The following DPY19L1 variants were observed in gnomAD, a reference collection of about 807,000 sequenced individuals.
DPY19L1 encodes the protein protein C-mannosyl-transferase DPY19L1.
Under a neutral mutation model 96.9 loss-of-function variants are expected in DPY19L1, and 35 were observed. That is an observed-to-expected ratio of 0.36 (90% CI 0.28 to 0.48). The LOEUF is 0.48. Ranked by LOEUF, DPY19L1 falls within the 20% of genes least tolerant of loss-of-function variation. DPY19L1 has a pLI of 0.99. For synonymous variants in DPY19L1, 205 were observed against 252.6 expected (o/e 0.81, Z 1.79); for missense variants, 521 against 777.9 (o/e 0.67, Z 3.93).
rs201768007 is a variant in DPY19L1, at chr7:35,034,748, GA to G, written c.298+2348del. Among the ~76,000 whole-genome samples the G allele has an allele frequency of 5.5e-3, 831 of 152,286 alleles. 1 individual carries two copies. Among genetic ancestry groups the G allele is most frequent in the African/African-American group, 0.019 (800 of 41,546 alleles). On this transcript the variant is annotated intron_variant, in intron 1 of 21. Coordinates refer to ENST00000638088, the MANE Select transcript of DPY19L1 (RefSeq NM_001366673.1). ...AAGTTACAAAATTACTTTCTAAATA[GA>G]AATGAATCCATTTCTGTCTAGCTTA...
intron 21 of DPY19L1, among the ~76,000 whole-genome samples, chr7:34,934,302 G>C (rs577891306): frequency 6.6e-6 from 1 of 152,116 alleles, no homozygotes; most frequent in African/African-American, 2.4e-5. Flanking sequence ...GAAAACCCTG[G>C]CAGATGCTCT....
rs1168068491 is a variant in DPY19L1, at chr7:34,989,911, C to T, written c.795G>A (p.Val265=). 1.2e-6 allele frequency: 2 copies of T among 1,608,284 alleles called. No homozygotes were observed. The highest frequency in any genetic ancestry group is 2.2e-5 in the East Asian group (1 of 44,702). ...CTCCATGATTGAAAAAGAAGCACAA[C>T]ACTGTAACCAGGCCTCCTAATCGGC... ...SGSRLGGLVT[V]LCFFFNHGEC... is the part of the protein sequence containing the mutation. The change falls in exon 7 of 22, where the codon GTG becomes GTA. Residue 265 remains valine (V), a synonymous_variant. Coordinates refer to ENST00000638088, the MANE Select transcript of DPY19L1 (RefSeq NM_001366673.1).
At chr7:34,948,236 A>T (rs1016213997) in intron 14 of DPY19L1, among the ~76,000 whole-genome samples, 6 of 152,174 alleles carry the variant, frequency 3.9e-5, no homozygotes, top group African/African-American at 1.4e-4. Context: ...CCTCTCAATT[A>T]TCTCTCCACC....
chr7:34,948,482 A>G lies in DPY19L1; in HGVS notation c.1423-781T>C, dbSNP rs565579358. On this transcript the variant is annotated intron_variant, in intron 14 of 21. Coordinates refer to ENST00000638088, the MANE Select transcript of DPY19L1 (RefSeq NM_001366673.1). ...TGAACTGACAGTACTCTGTCTCTAC[A>G]GCACAGTCCCTATGAATTAAGATAC... is the stretch of plus-strand genomic sequence containing the variant. Among the ~76,000 whole-genome samples the G allele has an allele frequency of 8.5e-5, 13 of 152,296 alleles. 1 individual carries two copies. In the South Asian group the frequency reaches 2.7e-3, roughly 32 times the overall value.
intron 15 of DPY19L1, among the ~76,000 whole-genome samples, chr7:34,945,975 C>T (rs187223420): frequency 1.3e-5 from 2 of 152,274 alleles, no homozygotes; most frequent in East Asian, 3.9e-4. Flanking sequence ...AAATGATTGC[C>T]CTGTAGGTAG....
chr7:34,941,938 TACTAA>T, intron 17 of DPY19L1, 54 bp from the exon 18 acceptor site: 1 of 1,541,226 alleles, frequency 6.5e-7, no homozygotes, highest in East Asian at 2.3e-5. Context: ...AGTTTAAGAA[TACTAA>T]ACTGGCAATA....
At chr7:35,020,860 C>A (rs1156353782) in intron 1 of DPY19L1, among the ~76,000 whole-genome samples, 1 of 152,046 alleles carries the variant, frequency 6.6e-6, no homozygotes, top group Admixed American at 6.6e-5. Context: ...AGGTAAATGC[C>A]ACCATGCCTG....
At chr7:35,007,588 G>GT (rs762227489) in intron 6 of DPY19L1, among the ~76,000 whole-genome samples, 24 of 150,392 alleles carry the variant, frequency 1.6e-4, no homozygotes, top group African/African-American at 5.6e-4. Context: ...ACACACGTGT[G>GT]GTGTGTGTGT....
chr7:34,957,212 G>A (rs1224738642), intron 11 of DPY19L1, among the ~76,000 whole-genome samples: 4 of 151,438 alleles, frequency 2.6e-5, no homozygotes, highest in South Asian at 4.2e-4. Flanking sequence ...GAGAAACCCC[G>A]TCTCTACTAA....
chr7:34,981,437 T>G (rs543115199), intron 7 of DPY19L1, among the ~76,000 whole-genome samples: 41 of 152,288 alleles, frequency 2.7e-4, no homozygotes, highest in Admixed American at 2.5e-3. Flanking sequence ...GTAAATGTTA[T>G]GGGGGAAGAG....
intron 15 of DPY19L1, among the ~76,000 whole-genome samples, chr7:34,946,656 A>G (rs1784152115): frequency 6.6e-6 from 1 of 152,234 alleles, no homozygotes; most frequent in Non-Finnish European, 1.5e-5. Flanking sequence ...TTAACTGATT[A>G]GAGATTAAAA....
chr7:35,031,331 T>C (rs1786255232), intron 1 of DPY19L1, among the ~76,000 whole-genome samples: 1 of 152,230 alleles, frequency 6.6e-6, no homozygotes, highest in South Asian at 2.1e-4. Flanking sequence ...CTAAGTAATC[T>C]AGGCATGATT....
intron 9 of DPY19L1, among the ~76,000 whole-genome samples, chr7:34,967,281 G>T (rs1784631648): frequency 6.6e-6 from 1 of 152,046 alleles, no homozygotes; most frequent in Non-Finnish European, 1.5e-5. Context: ...AAAGTGCCTT[G>T]TCCAATCAAA....
intron 21 of DPY19L1, among the ~76,000 whole-genome samples, chr7:34,933,199 T>C (rs769786571): frequency 6.6e-6 from 1 of 152,164 alleles, no homozygotes; most frequent in Non-Finnish European, 1.5e-5. Flanking sequence ...GTTACACGGA[T>C]AAGTTATTCA....
intron 6 of DPY19L1, among the ~76,000 whole-genome samples, chr7:34,994,533 C>T (rs1445317291): frequency 2.0e-5 from 3 of 152,106 alleles, no homozygotes; most frequent in Non-Finnish European, 4.4e-5. Context: ...TGGCGGGGCG[C>T]GGTGGCTCAT....
chr7:34,943,602 G>T (rs574902811), intron 16 of DPY19L1, among the ~76,000 whole-genome samples: 2 of 152,146 alleles, frequency 1.3e-5, no homozygotes, highest in African/African-American at 4.8e-5. Context: ...TTTTACACTG[G>T]CTTTGGTAGC....
chr7:35,033,965 C>T (rs989701173), intron 1 of DPY19L1, among the ~76,000 whole-genome samples: 3 of 151,886 alleles, frequency 2.0e-5, no homozygotes, highest in African/African-American at 7.3e-5. Context: ...GGAAAGCCCC[C>T]TCAACAAAAA....
At chr7:34,992,413 G>C (rs891923904) in intron 6 of DPY19L1, among the ~76,000 whole-genome samples, 3 of 152,108 alleles carry the variant, frequency 2.0e-5, no homozygotes, top group African/African-American at 7.2e-5. Context: ...TGAGAGAGAT[G>C]TGACTGTGAT....
At chr7:34,988,585 G>C (rs1305864859) in intron 7 of DPY19L1, among the ~76,000 whole-genome samples, 2 of 152,060 alleles carry the variant, frequency 1.3e-5, no homozygotes, top group Non-Finnish European at 2.9e-5. Context: ...AAGAAGTCCA[G>C]CATTGACTCT....
Sources: gnomAD v4.1 joint callset for allele counts (sites outside exome capture counted in the v4.1 genomes callset) on GRCh38, gnomAD v4.1.1 for gene constraint, MANE v1.5 for transcripts, NCBI Gene and HGNC (gene_info 2026-07-23, HGNC 2026-07-21) for gene names.